SLC2A2: variants seen among roughly 807,000 people sequenced by gnomAD.
The protein encoded by SLC2A2 is solute carrier family 2 member 2, also known as solute carrier family 2, facilitated glucose transporter member 2.
In SLC2A2, 36 loss-of-function variants were observed where a neutral mutation model predicts 54.5. The observed-to-expected ratio is 0.66, with a 90% CI of 0.51 to 0.87. The LOEUF (loss-of-function observed/expected upper bound fraction) is 0.87, where lower values mean the gene tolerates loss of function less well. Ranked by LOEUF, SLC2A2 falls within the 40% of genes least tolerant of loss-of-function variation. The pLI, the probability that SLC2A2 is intolerant of heterozygous loss-of-function variation, is 0.00. For synonymous variants in SLC2A2, 223 were observed against 219.1 expected (o/e 1.02, Z -0.16); for missense variants, 543 against 624.3 (o/e 0.87, Z 1.39).
chr3:171,010,011 C>T lies in SLC2A2; in HGVS notation c.443G>A (p.Gly148Glu), dbSNP rs777718289. The change falls in exon 4 of 11, where the codon GGA (glycine) becomes GAA (glutamate). Residue 148 changes from glycine to glutamate, a missense_variant. Physicochemically the swap from Gly to Glu is moderately conservative, Grantham distance 98. Around this residue, in one of 3 missense-constraint regions of SLC2A2, gnomAD observed 318 missense variants for 343.8 expected, o/e 0.93. Coordinates refer to ENST00000314251, the MANE Select transcript of SLC2A2 (RefSeq NM_000340.2). ...AGCAATTATAAGTATATGAGATGGTCCCAATTTTGAAAACCCCATCAAGAG... is the reference window on the plus strand; with the variant it reads ...AGCAATTATAAGTATATGAGATGGTTCCAATTTTGAAAACCCCATCAAGAG... ...GALLMGFSKL[G>E]PSHILIIAGR... is the part of the protein sequence containing the mutation. The T allele has an allele frequency of 3.7e-6, 6 of 1,612,102 alleles. No individual in the cohort carries two copies. Among genetic ancestry groups the T allele is most frequent in the Non-Finnish European group, 3.4e-6 (4 of 1,179,140 alleles).
Position 171,007,156 on chromosome 3 carries a change from T to C in SLC2A2, c.604A>G (p.Ile202Val). Residue 202 changes from isoleucine (I) to valine (V), a missense_variant, in exon 5 of 11, where the codon ATT becomes GTT. Coordinates refer to ENST00000314251, the MANE Select transcript of SLC2A2 (RefSeq NM_000340.2). ...HQLAIVTGIL[I>V]SQIIGLEFIL... The stretch of plus-strand genomic sequence containing the variant: ...GGATGGGGAGTTTTTACCTGACTAA[T>C]AAGAATGCCCGTGACGATGGCCAGC... 1 of 1,607,578 alleles carries C rather than the reference T, an allele frequency of 6.2e-7. No homozygotes were observed. The highest frequency in any genetic ancestry group is 8.5e-7 in the Non-Finnish European group (1 of 1,174,656).
At position 171,014,419 on chromosome 3, in the gene SLC2A2, A is replaced by T. The variant is rs766531758; in HGVS notation, c.371+50T>A. The T allele has an allele frequency of 2.5e-6, 4 of 1,592,868 alleles. No homozygotes were observed. The South Asian group carries it at 4.4e-5, about 18-fold the overall frequency. On this transcript the variant is annotated intron_variant, in intron 3 of 10. Transcript: ENST00000314251. ...TATTTTTCTAAACAAGTGTTAGGAA[A>T]ATGAAAATATGAAAGTTTCTGTTTA...
At chr3:170,999,019 A>G (rs968461367) in intron 9 of SLC2A2, 46 bp downstream of exon 9, 1 of 1,186,468 alleles carries the variant, frequency 8.4e-7, no homozygotes, top group Non-Finnish European at 1.3e-6. Context: ...GGTGCCAGGT[A>G]CCATCATATG....
chr3:170,996,974 C>T lies in SLC2A2; in HGVS notation c.*929G>A, dbSNP rs1350162024. ...TTTTAACAAAGTGATCAATCCTTTACTTCAAATTTTCTTACATTAGATTTG... is the reference window on the plus strand; with the variant it reads ...TTTTAACAAAGTGATCAATCCTTTATTTCAAATTTTCTTACATTAGATTTG... On this transcript the variant is annotated 3_prime_UTR_variant, in exon 11 of 11. Transcript: ENST00000314251. 4.2e-6 allele frequency: 1 copy of T among 237,498 alleles called. No individual in the cohort carries two copies. Among genetic ancestry groups the T allele is most frequent in the East Asian group, 7.4e-5 (1 of 13,556 alleles). 14.7% of individuals were successfully genotyped at this position (237,498 alleles called of 1,614,324 possible).
intron 1 of SLC2A2, among the ~76,000 whole-genome samples, chr3:171,020,920 T>C (rs1032621032): frequency 1.3e-5 from 2 of 150,704 alleles, no homozygotes; most frequent in Non-Finnish European, 3.0e-5. Flanking sequence ...TTATATATCA[T>C]TTACATCTGA....
intron 6 of SLC2A2, 22 bp from the exon 7 acceptor site, chr3:171,005,494 T>C (rs745426495): frequency 6.3e-7 from 1 of 1,597,104 alleles, no homozygotes; most frequent in East Asian, 2.2e-5. Flanking sequence ...AATGATCAGG[T>C]TGAAACAACT....
At chr3:171,009,859 A>G (rs914821608) in intron 4 of SLC2A2, 99 bp downstream of exon 4, 1 of 1,488,216 alleles carries the variant, frequency 6.7e-7, no homozygotes, top group Non-Finnish European at 9.0e-7. Flanking sequence ...AGACTCAAAA[A>G]TATCCCTGAG....
At chr3:171,005,586 A>G (rs1294820748) in intron 6 of SLC2A2, 114 bp from the exon 7 acceptor site, 5 of 808,630 alleles carry the variant, frequency 6.2e-6, no homozygotes, top group South Asian at 1.6e-5. Flanking sequence ...ACTTAATAGC[A>G]TGGGTGTTGG....
intron 4 of SLC2A2, chr3:171,007,489 G>A: frequency 1.9e-6 from 1 of 532,918 alleles, no homozygotes; most frequent in South Asian, 2.2e-5. Context: ...GCTTAGTCAT[G>A]TATTTGACAG....
Position 170,997,848 on chromosome 3 carries a change from A to T in SLC2A2, c.*55T>A, listed in dbSNP as rs1279926301. ...AAAATGCTCAAGGAATCATCATTTA[A>T]AAACAGACGGTTCCCTTATTGTTTC... is the stretch of plus-strand genomic sequence containing the variant. On this transcript the variant is annotated 3_prime_UTR_variant, in exon 11 of 11. Transcript: ENST00000314251. The T allele has an allele frequency of 7.0e-7, 1 of 1,430,614 alleles. No homozygotes were observed. Among genetic ancestry groups the T allele is most frequent in the African/African-American group, 1.4e-5 (1 of 70,742 alleles). 88.6% of individuals were successfully genotyped at this position (1,430,614 alleles called of 1,614,324 possible).
chr3:171,006,185 T>G, intron 5 of SLC2A2, 80 bp from the exon 6 acceptor site: 1 of 1,375,566 alleles, frequency 7.3e-7, no homozygotes, highest in Non-Finnish European at 1.0e-6. Context: ...AAAAAGTACT[T>G]TGGCTATTTA....
At chr3:171,009,843 C>T (rs1715791871) in intron 4 of SLC2A2, 115 bp downstream of exon 4, 1 of 1,423,496 alleles carries the variant, frequency 7.0e-7, no homozygotes, top group African/African-American at 1.4e-5. Flanking sequence ...TCTGTGATGT[C>T]ACCCTAGACT....
chr3:171,025,379 T>C (rs989045853), intron 1 of SLC2A2, among the ~76,000 whole-genome samples: 1 of 151,064 alleles, frequency 6.6e-6, no homozygotes, highest in African/African-American at 2.4e-5. Context: ...TATTAATAAT[T>C]ATATAACTAT....
In SLC2A2 at chr3:171,005,416, T is replaced by G. The variant is rs1304842107; in HGVS notation, c.832A>C (p.Lys278Gln). The G allele has an allele frequency of 6.2e-7, 1 of 1,612,842 alleles. No homozygotes were observed. Among genetic ancestry groups the G allele is most frequent in the Admixed American group, 1.7e-5 (1 of 59,836 alleles). ...DVTKDINEMRKEREEASSEQK... is the reference protein window; with the variant it reads ...DVTKDINEMRQEREEASSEQK... ...TCACTCGATGCTTCTTCTCTTTCTT[T>G]TCTCATTTCATTAATATCTTTGGTG... Residue 278 changes from lysine (K) to glutamine (Q), a missense_variant, in exon 7 of 11, where the codon AAA (lysine) becomes CAA (glutamine). Lys to Gln is a moderately conservative substitution (Grantham distance 53). Transcript: ENST00000314251.
chr3:171,003,698 TAATG>T (rs924580979), intron 7 of SLC2A2, among the ~76,000 whole-genome samples: 7 of 152,002 alleles, frequency 4.6e-5, no homozygotes, highest in African/African-American at 1.7e-4. Flanking sequence ...TGAATAGTAA[TAATG>T]AATAGTGATT....
chr3:170,999,064 C>T lies in SLC2A2; in HGVS notation c.1170+1G>A, dbSNP rs1294679246. 1.8e-5 allele frequency: 29 copies of T among 1,604,612 alleles called. No individual in the cohort carries two copies. The highest frequency in any genetic ancestry group is 2.5e-5 in the Non-Finnish European group (29 of 1,171,662). On this transcript the variant is annotated splice_donor_variant, in intron 9 of 10. Coordinates refer to ENST00000314251, the MANE Select transcript of SLC2A2 (RefSeq NM_000340.2). LOFTEE classifies it high-confidence loss of function. ...AACCTCAGTGCAGGCACCAAACTTA[C>T]CAGCAGCACAAGTCCCACTGACATG...
rs367980651 is a variant in SLC2A2, at chr3:170,998,273, G to A, written c.1294C>T (p.Arg432Cys). Residue 432 changes from arginine (R) to cysteine (C), a missense_variant, in exon 10 of 11, where the codon CGT (arginine) becomes TGT (cysteine). Physicochemically the swap from Arg to Cys is radical, Grantham distance 180 (BLOSUM62 -3). Coordinates refer to ENST00000314251, the MANE Select transcript of SLC2A2 (RefSeq NM_000340.2). ...MVAEFFSQGP[R>C]PAALAIAAFS... is the part of the protein sequence containing the mutation. The stretch of plus-strand genomic sequence containing the variant: ...GCAGCTATTGCTAAAGCAGCAGGAC[G>A]TGGTCCTTGACTGAAAAACTCAGCC... 4.3e-6 allele frequency: 7 copies of A among 1,613,694 alleles called. No homozygotes were observed. The highest frequency in any genetic ancestry group is 3.3e-5 in the South Asian group (3 of 91,074).
intron 4 of SLC2A2, chr3:171,007,491 A>T (rs1715669575): frequency 5.6e-6 from 3 of 535,130 alleles, no homozygotes; most frequent in East Asian, 6.4e-5. Context: ...TTAGTCATGT[A>T]TTTGACAGTT....
chr3:170,996,665 G>A lies in SLC2A2; in HGVS notation c.*1238C>T. On this transcript the variant is annotated 3_prime_UTR_variant, in exon 11 of 11. Transcript: ENST00000314251. ...ATCTGTGTATTTCCAATTTGCCTAT[G>A]TAGGTAAAGGCAGATAGATAGTGTA... 2.5e-6 allele frequency: 1 copy of A among 397,938 alleles called. No individual in the cohort carries two copies. Among genetic ancestry groups the A allele is most frequent in the Non-Finnish European group, 4.4e-6 (1 of 225,598 alleles). The allele number at this position is 397,938 out of a possible 1,614,324, so 24.7% of individuals were successfully genotyped here. A position where few individuals can be genotyped will look rare whatever the true frequency, so the allele number is the denominator to read the frequency against.
Sources: gnomAD v4.1 joint callset for allele counts (sites outside exome capture counted in the v4.1 genomes callset) on GRCh38, gnomAD v4.1.1 for gene constraint, gnomAD v4.1.1 regional missense constraint, MANE v1.5 for transcripts, NCBI Gene and HGNC (gene_info 2026-07-23, HGNC 2026-07-21) for gene names.